TMEM156: variants seen among roughly 807,000 people sequenced by gnomAD.
TMEM156 encodes the protein transmembrane protein 156.
TMEM156 carries 28 observed loss-of-function variants against 30.5 expected under a neutral mutation model. The observed-to-expected ratio is 0.92, with a 90% CI of 0.68 to 1.26. TMEM156 has a LOEUF of 1.26. TMEM156 is among the 50% of genes most tolerant of loss of function. TMEM156 has a pLI of 0.00. For synonymous variants in TMEM156, 137 were observed against 119.9 expected (o/e 1.14, Z -0.93); for missense variants, 351 against 340.6 (o/e 1.03, Z -0.24).
chr4:39,029,224 G>T (rs1715379704), intron 1 of TMEM156, among the ~76,000 whole-genome samples: 1 of 151,562 alleles, frequency 6.6e-6, no homozygotes, highest in South Asian at 2.1e-4. Context: ...TAATTTATAA[G>T]TAAAAATTAT....
chr4:38,992,689 A>T (rs1413238317), intron 3 of TMEM156, among the ~76,000 whole-genome samples: 15 of 47,158 alleles, frequency 3.2e-4, no homozygotes, highest in South Asian at 6.9e-4. Flanking sequence ...ATATTATATA[A>T]TATATTATAT....
At chr4:38,980,919 G>A (rs545886886) in intron 5 of TMEM156, 34 of 984,528 alleles carry the variant, frequency 3.5e-5, no homozygotes, top group Middle Eastern at 1.0e-3. Flanking sequence ...TGCCTGTCAC[G>A]TAAAGGCATT....
chr4:38,994,439 T>C (rs1712774886), intron 2 of TMEM156, among the ~76,000 whole-genome samples: 1 of 152,074 alleles, frequency 6.6e-6, no homozygotes, highest in African/African-American at 2.4e-5. Context: ...AAATAATCAG[T>C]AAGGTGGTTA....
chr4:38,984,347 C>CTGTGTGTG (rs1211976306), intron 5 of TMEM156, among the ~76,000 whole-genome samples: 62 of 130,638 alleles, frequency 4.7e-4, no homozygotes, highest in African/African-American at 1.0e-3. Flanking sequence ...CTCTCTCTCT[C>CTGTGTGTG]TCTGTGTGTG....
At chr4:38,970,727 T>C (rs934281309) in intron 6 of TMEM156, among the ~76,000 whole-genome samples, 3 of 152,148 alleles carry the variant, frequency 2.0e-5, no homozygotes, top group African/African-American at 7.2e-5. Flanking sequence ...TATTTTCTCA[T>C]AGTCTAACTA....
Position 39,032,370 on chromosome 4 carries a change from C to A in TMEM156, c.-57G>T. ...GCAGTACATTCATGGTATGTTGCTT[C>A]CTGCTTTAAGTTTATCTCTGCAGCA... On this transcript the variant is annotated 5_prime_UTR_variant, in exon 1 of 7. Transcript: ENST00000381938. The A allele has an allele frequency of 1.8e-6, 2 of 1,109,016 alleles. No individual in the cohort carries two copies. Among genetic ancestry groups the A allele is most frequent in the South Asian group, 2.6e-5 (2 of 75,566 alleles). The allele number at this position is 1,109,016 out of a possible 1,614,324, so 68.7% of individuals were successfully genotyped here.
intron 1 of TMEM156, among the ~76,000 whole-genome samples, chr4:39,002,762 T>C (rs1460479067): frequency 6.7e-6 from 1 of 150,092 alleles, no homozygotes; most frequent in African/African-American, 2.4e-5. Flanking sequence ...GAAATCATCA[T>C]TCTCAGTAAA....
At chr4:39,004,077 T>C (rs1254102072) in intron 1 of TMEM156, among the ~76,000 whole-genome samples, 2 of 152,176 alleles carry the variant, frequency 1.3e-5, no homozygotes, top group Non-Finnish European at 2.9e-5. Flanking sequence ...TAAATTCTAC[T>C]CAATCATTTT....
At chr4:39,005,339 TG>T (rs776160141) in intron 1 of TMEM156, among the ~76,000 whole-genome samples, 1 of 152,174 alleles carries the variant, frequency 6.6e-6, no homozygotes, top group Admixed American at 6.5e-5. Flanking sequence ...AGGCTATTCT[TG>T]GGATAGTGAG....
intron 6 of TMEM156, among the ~76,000 whole-genome samples, chr4:38,968,254 A>G (rs1255509548): frequency 6.6e-6 from 1 of 152,208 alleles, no homozygotes; most frequent in African/African-American, 2.4e-5. Flanking sequence ...GTTTCTTTCA[A>G]TTATAACATT....
chr4:38,974,963 G>C (rs113245655), intron 5 of TMEM156, among the ~76,000 whole-genome samples: 1 of 152,012 alleles, frequency 6.6e-6, no homozygotes. Context: ...ATGAGCCACC[G>C]CGCCTGATCT....
rs914554575 is a variant in TMEM156 at position 38,998,490 on chromosome 4, G to A, written c.358+150C>T. The stretch of plus-strand genomic sequence containing the variant: ...ACCTGGGAGGTGGAGGTTGCAGTGA[G>A]CTGAGATTGCACCACTGCACTCTAG... On this transcript the variant is annotated intron_variant, in intron 2 of 6. Coordinates refer to ENST00000381938, the MANE Select transcript of TMEM156 (RefSeq NM_024943.3). 3 of 581,402 alleles carry A rather than the reference G, an allele frequency of 5.2e-6. No homozygotes were observed. The African/African-American group carries it at 5.9e-5, about 11-fold the overall frequency. The allele number at this position is 581,402 out of a possible 1,614,324, so 36.0% of individuals were successfully genotyped here.
chr4:38,999,853 T>A (rs1043235758), intron 1 of TMEM156, among the ~76,000 whole-genome samples: 1 of 152,198 alleles, frequency 6.6e-6, no homozygotes, highest in African/African-American at 2.4e-5. Context: ...TAATCCAGAA[T>A]AATCTTCACA....
intron 1 of TMEM156, among the ~76,000 whole-genome samples, chr4:39,023,766 A>G (rs6839956): frequency 0.4 from 61,240 of 152,064 alleles, 12,628 homozygotes; most frequent in East Asian, 0.51. Context: ...AGGCAGGAGA[A>G]TCACTTGAAC....
At chr4:39,019,511 A>G (rs917204185) in intron 1 of TMEM156, among the ~76,000 whole-genome samples, 6 of 151,544 alleles carry the variant, frequency 4.0e-5, no homozygotes, top group South Asian at 2.1e-4. Flanking sequence ...TATTTGTTTT[A>G]TATTATTTTT....
intron 1 of TMEM156, among the ~76,000 whole-genome samples, chr4:39,007,516 G>T (rs2110009725): frequency 6.6e-6 from 1 of 151,948 alleles, no homozygotes; most frequent in East Asian, 1.9e-4. Context: ...CAGTGATCTT[G>T]GCTAACTGCA....
chr4:39,021,718 C>A (rs921775477), intron 1 of TMEM156, among the ~76,000 whole-genome samples: 41 of 152,156 alleles, frequency 2.7e-4, no homozygotes, highest in Non-Finnish European at 4.9e-4. Context: ...TTGCCTAGAA[C>A]AATGTCATTG....
At chr4:38,973,392 C>T (rs1722699663) in intron 5 of TMEM156, among the ~76,000 whole-genome samples, 1 of 152,170 alleles carries the variant, frequency 6.6e-6, no homozygotes, top group South Asian at 2.1e-4. Flanking sequence ...CACTCAGTAG[C>T]ATTTTACTGA....
intron 1 of TMEM156, among the ~76,000 whole-genome samples, chr4:39,023,625 T>C (rs953930433): frequency 1.2e-4 from 19 of 152,166 alleles, no homozygotes; most frequent in African/African-American, 4.3e-4. Flanking sequence ...GGCGAATCAC[T>C]TGAGGTCAGG....
Sources: gnomAD v4.1 joint callset for allele counts (sites outside exome capture counted in the v4.1 genomes callset) on GRCh38, gnomAD v4.1.1 for gene constraint, MANE v1.5 for transcripts, NCBI Gene and HGNC (gene_info 2026-07-23, HGNC 2026-07-21) for gene names.